Variants in AMIGO2 observed in about 807,000 individuals in gnomAD.
AMIGO2 encodes the protein amphoterin-induced protein 2.
In AMIGO2, 15 loss-of-function variants were observed where a neutral mutation model predicts 23.7. The ratio of observed to expected loss-of-function variants is 0.63; its 90% confidence interval spans 0.42 to 0.98. The LOEUF (loss-of-function observed/expected upper bound fraction) is 0.98. Ranked by LOEUF, AMIGO2 falls within the 50% of genes least tolerant of loss-of-function variation. The pLI, the probability that AMIGO2 is intolerant of heterozygous loss-of-function variation, is 0.00. For synonymous variants in AMIGO2, 264 were observed against 252.3 expected, an observed-to-expected ratio of 1.05 and a Z score of -0.44; for missense variants, 561 against 633.1, an observed-to-expected ratio of 0.89 and a Z score of 1.22.
chr12:47,076,381 G>C (rs774378407), downstream of AMIGO2: 21 of 152,106 alleles, frequency 1.4e-4, no homozygotes, highest in African/African-American at 4.4e-4. Context: ...TCATACGGAA[G>C]GTATAAATTG....
Position 47,078,907 on chromosome 12 carries a change from A to G in AMIGO2, c.96T>C (p.Thr32=). ...ACACCCCAGAGGCACCAGGGCCCAC[A>G]GTCACTGTGATCATCAGCAAACACA... ...ELLCLLMITV[T]VGPGASGVCP... The change falls in exon 3 of 3, where the codon ACT becomes ACC. Residue 32 remains threonine (T), a synonymous_variant. Coordinates refer to ENST00000550413, the MANE Select transcript of AMIGO2 (RefSeq NM_001370299.1). The G allele has an allele frequency of 6.2e-7, 1 of 1,614,212 alleles. No individual in the cohort carries two copies. Among genetic ancestry groups the G allele is most frequent in the Non-Finnish European group, 8.5e-7 (1 of 1,180,040 alleles).
Position 47,077,767 on chromosome 12 carries a change from C to CA in AMIGO2, c.1235dup (p.Leu412PhefsTer16). On this transcript the variant is annotated frameshift_variant, in exon 3 of 3. Transcript: ENST00000550413. LOFTEE classifies it high-confidence loss of function. ...GAGTCAGATAGAGGTACAAAAGTACCAAAACGATACTGGCCACGCAAGCAG... is the reference window on the plus strand; with the variant it reads ...GAGTCAGATAGAGGTACAAAAGTACCAAAAACGATACTGGCCACGCAAGCAG... The CA allele has an allele frequency of 6.2e-7, 1 of 1,614,090 alleles. No individual in the cohort carries two copies. The highest frequency in any genetic ancestry group is 8.5e-7 in the Non-Finnish European group (1 of 1,180,010).
At position 47,078,780 on chromosome 12, in the gene AMIGO2, G is replaced by A; in HGVS notation, c.223C>T (p.Leu75=). 6.2e-7 allele frequency: 1 copy of A among 1,614,172 alleles called. No homozygotes were observed. The highest frequency in any genetic ancestry group is 8.5e-7 in the Non-Finnish European group (1 of 1,180,044). Residue 75 remains leucine (L), a synonymous_variant, in exon 3 of 3, where the codon CTG becomes TTG. Coordinates refer to ENST00000550413, the MANE Select transcript of AMIGO2 (RefSeq NM_001370299.1). ...AGAAGCCCAATTCTGTTATAACTCAGGTCCAGTCTCTTAATCAGTCTGAAA... is the reference window on the plus strand; with the variant it reads ...AGAAGCCCAATTCTGTTATAACTCAAGTCCAGTCTCTTAATCAGTCTGAAA... ...NLFRLIKRLD[L]SYNRIGLLDS...
chr12:47,076,410 C>G (rs1941856188), downstream of AMIGO2: 1 of 123,476 alleles, frequency 8.1e-6, no homozygotes, highest in Non-Finnish European at 1.7e-5. Context: ...CACATTAAAG[C>G]CTTCCCCTCC....
Position 47,077,977 on chromosome 12 carries a change from C to T in AMIGO2, c.1026G>A (p.Val342=). The T allele has an allele frequency of 6.2e-7, 1 of 1,613,818 alleles. No individual in the cohort carries two copies. The change falls in exon 3 of 3, where the codon GTG becomes GTA. Residue 342 remains valine (V), a synonymous_variant. Coordinates refer to ENST00000550413, the MANE Select transcript of AMIGO2 (RefSeq NM_001370299.1). ...EPDKEMENFY[V]FHNGSLVIES... ...CTATAACCAGACTTCCATTGTGAAA[C>T]ACGTAAAAGTTTTCCATCTCTTTAT...
At position 47,078,491 on chromosome 12, in the gene AMIGO2, T is replaced by G. The variant is rs750603803; in HGVS notation, c.512A>C (p.Tyr171Ser). The G allele has an allele frequency of 6.2e-7, 1 of 1,614,214 alleles. No homozygotes were observed. The highest frequency in any genetic ancestry group is 1.7e-5 in the Admixed American group (1 of 60,030). ...FGGLSQLQKL[Y>S]LSGNFLTQFP... ...CTGTGTGAGAAAATTTCCACTTAAG[T>G]AGAGTTTCTGCAACTGGGAGAGCCC... Residue 171 changes from tyrosine (Y) to serine (S), a missense_variant, in exon 3 of 3, where the codon TAC (tyrosine) becomes TCC (serine). Coordinates refer to ENST00000550413, the MANE Select transcript of AMIGO2 (RefSeq NM_001370299.1).
chr12:47,078,500 T>C lies in AMIGO2; in HGVS notation c.503A>G (p.Gln168Arg). 1 of 1,614,224 alleles carries C rather than the reference T, an allele frequency of 6.2e-7. No homozygotes were observed. The highest frequency in any genetic ancestry group is 1.3e-5 in the African/African-American group (1 of 75,054). Reference sequence around the variant, plus strand: ...AAAATTTCCACTTAAGTAGAGTTTCTGCAACTGGGAGAGCCCTCCAAACGC... The same window carrying C: ...AAAATTTCCACTTAAGTAGAGTTTCCGCAACTGGGAGAGCCCTCCAAACGC... ...PSAFGGLSQLQKLYLSGNFLT... is the reference protein window; with the variant it reads ...PSAFGGLSQLRKLYLSGNFLT... The change falls in exon 3 of 3, where the codon CAG becomes CGG. Residue 168 changes from glutamine to arginine, a missense_variant. Coordinates refer to ENST00000550413, the MANE Select transcript of AMIGO2 (RefSeq NM_001370299.1).
In AMIGO2 at chr12:47,078,201, G is replaced by A. The variant is rs771676380; in HGVS notation, c.802C>T (p.His268Tyr). Residue 268 changes from histidine (H) to tyrosine (Y), a missense_variant, in exon 3 of 3, where the codon CAC (histidine) becomes TAC (tyrosine). Transcript: ENST00000550413. ...YTCRLWSDSR[H>Y]SRQVLLLQDS... ...TGGAGCAGAAGTACCTGACGCGAGT[G>A]CCTGGAGTCAGACCACAGGCGACAG... 1 of 1,614,122 alleles carries A rather than the reference G, an allele frequency of 6.2e-7. No homozygotes were observed. The highest frequency in any genetic ancestry group is 8.5e-7 in the Non-Finnish European group (1 of 1,180,034).
rs781449690 is a variant in AMIGO2 at position 47,078,982 on chromosome 12, A to T, written c.21T>A (p.Thr7=). MSLRVH[T]LPTLLGAVVR... is the part of the protein sequence containing the mutation. The stretch of plus-strand genomic sequence containing the variant: ...CGACGGCTCCAAGCAGGGTGGGCAG[A>T]GTGTGTACACGTAACGACATTATGG... Residue 7 remains threonine (T), a synonymous_variant, in exon 3 of 3, where the codon ACT becomes ACA. Transcript: ENST00000550413. The T allele has an allele frequency of 5.6e-6, 9 of 1,610,350 alleles. No homozygotes were observed. In the Admixed American group the frequency reaches 6.7e-5, roughly 12 times the overall value.
Position 47,078,567 on chromosome 12 carries a change from G to T in AMIGO2, c.436C>A (p.Leu146Ile), listed in dbSNP as rs780834722. The T allele has an allele frequency of 6.2e-7, 1 of 1,614,204 alleles. No individual in the cohort carries two copies. The highest frequency in any genetic ancestry group is 2.2e-5 in the East Asian group (1 of 44,884). The change falls in exon 3 of 3, where the codon CTT becomes ATT. Residue 146 changes from leucine (L) to isoleucine (I), a missense_variant. By Grantham distance (5) the Leu-to-Ile change is conservative. Transcript: ENST00000550413. ...VFQELKVLEVLLLYNNHISYL... is the reference protein window; with the variant it reads ...VFQELKVLEVILLYNNHISYL... ...GATATGTGATTGTTGTAAAGCAGAA[G>T]CACTTCCAGAACCTTCAACTCTTGG...
Position 47,078,311 on chromosome 12 carries a change from A to G in AMIGO2, c.692T>C (p.Val231Ala). 6.2e-7 allele frequency: 1 copy of G among 1,614,040 alleles called. No homozygotes were observed. Among genetic ancestry groups the G allele is most frequent in the Non-Finnish European group, 8.5e-7 (1 of 1,180,044 alleles). Reference protein sequence around the residue: ...RGIYLHGNPFVCDCSLYSLLV... With the variant: ...RGIYLHGNPFACDCSLYSLLV... ...CAAGGAGTACAGGGAACAGTCACAG[A>G]CAAATGGGTTTCCATGAAGGTAGAT... Residue 231 changes from valine to alanine, a missense_variant, in exon 3 of 3, where the codon GTC becomes GCC. Val to Ala is a moderately conservative substitution (Grantham distance 64). Transcript: ENST00000550413.
At position 47,078,092 on chromosome 12, in the gene AMIGO2, T is replaced by C; in HGVS notation, c.911A>G (p.Glu304Gly). 6.2e-7 allele frequency: 1 copy of C among 1,614,140 alleles called. No homozygotes were observed. Among genetic ancestry groups the C allele is most frequent in the Non-Finnish European group, 8.5e-7 (1 of 1,180,024 alleles). ...LGFIHEAQVG[E>G]RLMVHCDSKT... ...GCTGTCACAGTGGACCATCAGTCTT[T>C]CCCCGACCTGAGCCTCATGAATAAA... Residue 304 changes from glutamate to glycine, a missense_variant, in exon 3 of 3, where the codon GAA (glutamate) becomes GGA (glycine). By Grantham distance (98) the Glu-to-Gly change is moderately conservative. Transcript: ENST00000550413.
chr12:47,075,968 G>A (rs1246356708), downstream of AMIGO2: 4 of 152,144 alleles, frequency 2.6e-5, no homozygotes, highest in African/African-American at 7.2e-5. Context: ...ACCTTACACA[G>A]GTCGTATTCT....
Position 47,077,426 on chromosome 12 carries a change from G to C in AMIGO2, c.*8C>G. On this transcript the variant is annotated 3_prime_UTR_variant, in exon 3 of 3. Coordinates refer to ENST00000550413, the MANE Select transcript of AMIGO2 (RefSeq NM_001370299.1). ...TAAATTATGACATCATACAAATATAGGCACAAATTAAGTGGACGCCACAAA... is the reference window on the plus strand; with the variant it reads ...TAAATTATGACATCATACAAATATACGCACAAATTAAGTGGACGCCACAAA... The C allele has an allele frequency of 6.2e-7, 1 of 1,606,704 alleles. No individual in the cohort carries two copies. Among genetic ancestry groups the C allele is most frequent in the African/African-American group, 1.3e-5 (1 of 74,854 alleles).
downstream of AMIGO2, chr12:47,075,798 C>T (rs554400751): frequency 6.6e-6 from 1 of 152,284 alleles, no homozygotes; most frequent in East Asian, 1.9e-4. Context: ...AAATTATCTT[C>T]TTTCTTAGCC....
chr12:47,077,500 C>T lies in AMIGO2; in HGVS notation c.1503G>A (p.Arg501=), dbSNP rs547623888. The part of the protein sequence containing the change: ...VIAEGILKST[R]GKSDSDSVNS... ...TGACTGAATCTGAGTCAGATTTCCC[C>T]CTCGTGGACTTTAGGATGCCCTCAG... Residue 501 remains arginine, a synonymous_variant, in exon 3 of 3, where the codon AGG becomes AGA. Transcript: ENST00000550413. The T allele has an allele frequency of 6.2e-7, 1 of 1,614,146 alleles. No homozygotes were observed. Among genetic ancestry groups the T allele is most frequent in the African/African-American group, 1.3e-5 (1 of 75,032 alleles).
Position 47,079,645 on chromosome 12 carries a change from AGCAGCAGCCCTGGAC to A in AMIGO2, c.-369_-355del, listed in dbSNP as rs1212412184. The stretch of plus-strand genomic sequence containing the variant: ...AGGAGTTTCAAGCAGCCGCGGCGGC[AGCAGCAGCCCTGGAC>A]GCAGCAGCCAAGCTCTTCGCTGGCT... On this transcript the variant is annotated 5_prime_UTR_variant, in exon 1 of 3. Transcript: ENST00000550413. The A allele has an allele frequency of 6.5e-6, 1 of 152,726 alleles. No individual in the cohort carries two copies. The allele number at this position is 152,726 out of a possible 1,614,324, so 9.5% of individuals were successfully genotyped here. A position where few individuals can be genotyped will look rare whatever the true frequency, so the allele number is the denominator to read the frequency against.
Position 47,079,720 on chromosome 12 carries a change from C to A in AMIGO2, c.-429G>T, listed in dbSNP as rs1331765643. ...TCTCCCGGGTTCCTCTCATTGCAGG[C>A]TGAAGGTACCGCCTCGGCGCTCTGG... On this transcript the variant is annotated 5_prime_UTR_variant, in exon 1 of 3. Transcript: ENST00000550413. 6.6e-6 allele frequency: 1 copy of A among 151,714 alleles called. No individual in the cohort carries two copies. Among genetic ancestry groups the A allele is most frequent in the Non-Finnish European group, 1.5e-5 (1 of 67,868 alleles). 9.4% of individuals were successfully genotyped at this position (151,714 alleles called of 1,614,324 possible).
rs1467940710 is a variant in AMIGO2, at chr12:47,077,431, A to G, written c.*3T>C. 6.2e-7 allele frequency: 1 copy of G among 1,608,524 alleles called. No individual in the cohort carries two copies. Among genetic ancestry groups the G allele is most frequent in the Admixed American group, 1.7e-5 (1 of 59,724 alleles). ...TATGACATCATACAAATATAGGCAC[A>G]AATTAAGTGGACGCCACAAAAGGTG... is the stretch of plus-strand genomic sequence containing the variant. On this transcript the variant is annotated 3_prime_UTR_variant, in exon 3 of 3. Coordinates refer to ENST00000550413, the MANE Select transcript of AMIGO2 (RefSeq NM_001370299.1).
Sources: allele counts gnomAD v4.1 joint callset, GRCh38; gene constraint gnomAD v4.1.1; transcripts MANE v1.5; gene names NCBI Gene and HGNC (gene_info 2026-07-23, HGNC 2026-07-21).